Variants in NRXN3 observed in about 807,000 individuals in gnomAD.
NRXN3 encodes the protein neurexin III.
NRXN3 carries 32 observed loss-of-function variants against 137.6 expected under a neutral mutation model. The ratio of observed to expected loss-of-function variants is 0.23; its 90% CI spans 0.18 to 0.31. The LOEUF (loss-of-function observed/expected upper bound fraction) is 0.31. NRXN3 is among the 10% of genes least tolerant of loss of function. The pLI, the probability that NRXN3 is intolerant of heterozygous loss-of-function variation, is 1.00. For synonymous variants in NRXN3, 798 were observed against 784.5 expected (o/e 1.02, Z -0.29); for missense variants, 1,574 against 2,062.5 (o/e 0.76, Z 4.59).
At chr14:79,593,193 A>C (rs1378386810) in intron 16 of NRXN3, among the ~76,000 whole-genome samples, 1 of 152,220 alleles carries the variant, frequency 6.6e-6, no homozygotes, top group Non-Finnish European at 1.5e-5. Context: ...GATCGCTTAT[A>C]GTACCAATTC....
At chr14:78,675,881 G>A (rs1317758624) in intron 6 of NRXN3, among the ~76,000 whole-genome samples, 1 of 151,514 alleles carries the variant, frequency 6.6e-6, no homozygotes, top group African/African-American at 2.4e-5. Context: ...ATGTCTCTGT[G>A]TTGCATTTTG....
At chr14:79,128,723 T>C (rs968439215) in intron 15 of NRXN3, among the ~76,000 whole-genome samples, 8 of 152,160 alleles carry the variant, frequency 5.3e-5, no homozygotes, top group African/African-American at 1.4e-4. Flanking sequence ...CCTCTTTTTC[T>C]ATTGATTGGA....
intron 4 of NRXN3, among the ~76,000 whole-genome samples, chr14:78,622,896 A>G (rs59923107): frequency 0.011 from 1,651 of 152,338 alleles, 28 homozygotes; most frequent in African/African-American, 0.036. Context: ...GATATGACTT[A>G]TTTTGCTTTA....
chr14:78,951,932 A>G (rs1163892382), intron 10 of NRXN3, among the ~76,000 whole-genome samples: 1 of 152,190 alleles, frequency 6.6e-6, no homozygotes, highest in Non-Finnish European at 1.5e-5. Flanking sequence ...TATATGTGGC[A>G]GTCTCAATGG....
At chr14:79,571,626 G>T (rs536919238) in intron 16 of NRXN3, among the ~76,000 whole-genome samples, 25 of 152,180 alleles carry the variant, frequency 1.6e-4, no homozygotes, top group African/African-American at 5.3e-4. Flanking sequence ...TTTTTCCCGT[G>T]GGCCAGACCT....
At chr14:78,599,199 C>T (rs939830741) in intron 4 of NRXN3, among the ~76,000 whole-genome samples, 6 of 152,196 alleles carry the variant, frequency 3.9e-5, no homozygotes, top group Non-Finnish European at 7.3e-5. Context: ...ACTTCCTCTT[C>T]CAAGAGTTTA....
At position 78,762,760 on chromosome 14, in the gene NRXN3, G is replaced by A. The variant is rs554542990; in HGVS notation, c.2045-40860G>A. On this transcript the variant is annotated intron_variant, in intron 8 of 20. Coordinates refer to ENST00000335750, the MANE Select transcript of NRXN3 (RefSeq NM_001330195.2). ...CACTTAGAATCATGCCTGGCACATA[G>A]TAAGTGCTCAATAATTTTTAGCTCT... Among the ~76,000 whole-genome samples the A allele has an allele frequency of 5.9e-5, 9 of 152,320 alleles. No homozygotes were observed. In the South Asian group the frequency reaches 1.9e-3, roughly 32 times the overall value.
intron 15 of NRXN3, among the ~76,000 whole-genome samples, chr14:79,243,167 G>T (rs4899737): frequency 0.27 from 40,846 of 151,986 alleles, 6,604 homozygotes; most frequent in Admixed American, 0.43. Context: ...ATATAGATAT[G>T]CGAGATTAAA....
At chr14:79,556,839 A>G (rs1333815971) in intron 16 of NRXN3, among the ~76,000 whole-genome samples, 1 of 152,210 alleles carries the variant, frequency 6.6e-6, no homozygotes. Flanking sequence ...TATAGGCACC[A>G]GCCACTGCAC....
chr14:79,333,990 C>T (rs2092025723), intron 15 of NRXN3, among the ~76,000 whole-genome samples: 1 of 152,138 alleles, frequency 6.6e-6, no homozygotes, highest in Non-Finnish European at 1.5e-5. Flanking sequence ...CAGTGTAGTT[C>T]TAGGTCCCCA....
chr14:79,625,781 A>T (rs1397674176), intron 16 of NRXN3, among the ~76,000 whole-genome samples: 1 of 152,162 alleles, frequency 6.6e-6, no homozygotes, highest in Non-Finnish European at 1.5e-5. Context: ...TTTTACAGAC[A>T]TAGCATCTGT....
At chr14:79,750,493 C>G (rs2098993799) in intron 19 of NRXN3, among the ~76,000 whole-genome samples, 1 of 152,116 alleles carries the variant, frequency 6.6e-6, no homozygotes, top group African/African-American at 2.4e-5. Context: ...AGACTTTCAG[C>G]AAGTTGTCTT....
intron 6 of NRXN3, among the ~76,000 whole-genome samples, chr14:78,680,455 G>T (rs531847198): frequency 6.6e-6 from 1 of 152,088 alleles, no homozygotes; most frequent in Non-Finnish European, 1.5e-5. Context: ...AATAAGAGAC[G>T]ACAGGTTCTT....
chr14:78,613,406 T>A (rs1036848492), intron 4 of NRXN3, among the ~76,000 whole-genome samples: 15 of 152,152 alleles, frequency 9.9e-5, no homozygotes, highest in African/African-American at 3.6e-4. Context: ...TCAGAAATTA[T>A]CCCCATTATC....
At chr14:79,546,943 TAGAG>T (rs1567460442) in intron 16 of NRXN3, among the ~76,000 whole-genome samples, 1 of 152,144 alleles carries the variant, frequency 6.6e-6, no homozygotes, top group African/African-American at 2.4e-5. Flanking sequence ...GCCTAAATAA[TAGAG>T]AGGTGTAAAA....
chr14:79,166,361 A>C (rs370693723), intron 15 of NRXN3, among the ~76,000 whole-genome samples: 7 of 151,780 alleles, frequency 4.6e-5, no homozygotes, highest in African/African-American at 1.7e-4. Context: ...CTTTCCTCCT[A>C]TTGTTGCATT....
chr14:79,463,963 C>G (rs1197573715), intron 15 of NRXN3, among the ~76,000 whole-genome samples: 1 of 151,972 alleles, frequency 6.6e-6, no homozygotes, highest in Non-Finnish European at 1.5e-5. Flanking sequence ...ATATGTAAAA[C>G]AAAATAATTC....
chr14:79,206,488 T>C (rs1333615564), intron 15 of NRXN3, among the ~76,000 whole-genome samples: 1 of 152,200 alleles, frequency 6.6e-6, no homozygotes, highest in Non-Finnish European at 1.5e-5. Flanking sequence ...AAACTGGGGA[T>C]ACAGCTGCTG....
intron 20 of NRXN3, among the ~76,000 whole-genome samples, chr14:79,822,485 A>C (rs1016329993): frequency 2.6e-5 from 4 of 152,160 alleles, no homozygotes; most frequent in African/African-American, 9.7e-5. Flanking sequence ...TGGCAATGGT[A>C]TGTCAGTCCT....
Sources: gnomAD v4.1 joint callset for allele counts (sites outside exome capture counted in the v4.1 genomes callset) on GRCh38, gnomAD v4.1.1 for gene constraint, MANE v1.5 for transcripts, NCBI Gene and HGNC (gene_info 2026-07-23, HGNC 2026-07-21) for gene names.